The following ATF2 variants were observed in gnomAD, a reference collection of about 807,000 sequenced individuals.
ATF2 encodes the protein cyclic AMP-dependent transcription factor ATF-2.
A neutral mutation model predicts 60.6 loss-of-function variants in ATF2; 24 were observed. That is an observed-to-expected ratio of 0.40 (90% CI 0.29 to 0.56). ATF2 has a LOEUF of 0.56. Among genes scored for constraint, ATF2 ranks in the 20% least tolerant of loss-of-function variants. ATF2 has a pLI of 0.54. For missense variants in ATF2, 433 were observed against 607.7 expected, an observed-to-expected ratio of 0.71 and a Z score of 3.02; for synonymous variants, 206 against 215.4, an observed-to-expected ratio of 0.96 and a Z score of 0.38.
At chr2:175,135,564 T>C (rs1462605927) in intron 3 of ATF2, among the ~76,000 whole-genome samples, 1 of 152,186 alleles carries the variant, frequency 6.6e-6, no homozygotes, top group Non-Finnish European at 1.5e-5. Flanking sequence ...CACTGTAAGT[T>C]AGAACAAATG....
At chr2:175,076,850 GGTTA>G (rs943803982) in intron 13 of ATF2, among the ~76,000 whole-genome samples, 91 of 151,792 alleles carry the variant, frequency 6.0e-4, no homozygotes, top group Admixed American at 1.2e-3. Flanking sequence ...ACAACGTGCA[GGTTA>G]GTTACATACG....
intron 11 of ATF2, among the ~76,000 whole-genome samples, chr2:175,094,403 GAAAAAAAAA>G (rs61440218): frequency 4.9e-5 from 3 of 61,138 alleles, no homozygotes; most frequent in South Asian, 7.7e-4. Flanking sequence ...CAAAAAATAC[GAAAAAAAAA>G]AAAAAAAAAA....
chr2:175,140,480 G>A lies in ATF2; in HGVS notation c.-43-3994C>T, dbSNP rs370858032. ...CAGATCACTGGTTGCTGAGGGACAGGAGTAGAAGGAGTGGGAGGGAAGGAT... is the reference window on the plus strand; with the variant it reads ...CAGATCACTGGTTGCTGAGGGACAGAAGTAGAAGGAGTGGGAGGGAAGGAT... On this transcript the variant is annotated intron_variant, in intron 2 of 13. Coordinates refer to ENST00000264110, the MANE Select transcript of ATF2 (RefSeq NM_001880.4). Among the ~76,000 whole-genome samples the A allele has an allele frequency of 3.4e-4, 52 of 152,280 alleles. 1 individual carries two copies. The highest frequency in any genetic ancestry group is 1.1e-3 in the African/African-American group (47 of 41,550).
At chr2:175,154,226 A>G (rs1699511921) in intron 1 of ATF2, among the ~76,000 whole-genome samples, 1 of 102,950 alleles carries the variant, frequency 9.7e-6, no homozygotes, top group South Asian at 2.7e-4. Flanking sequence ...AAAAGAAAAG[A>G]AAAAAAAAAT....
intron 10 of ATF2, among the ~76,000 whole-genome samples, chr2:175,109,057 A>G (rs569678023): frequency 2.0e-5 from 3 of 151,702 alleles, no homozygotes; most frequent in Admixed American, 6.6e-5. Context: ...GGTCCTCTGC[A>G]TAGGAAAACC....
intron 13 of ATF2, among the ~76,000 whole-genome samples, chr2:175,075,696 G>A (rs377002788): frequency 3.3e-5 from 5 of 152,020 alleles, no homozygotes; most frequent in African/African-American, 1.2e-4. Flanking sequence ...GAACCGAGCC[G>A]CCAACTTAAG....
Position 175,074,839 on chromosome 2 carries a change from G to C in ATF2, c.1292-4C>G, listed in dbSNP as rs755847095. 2.1e-5 allele frequency: 34 copies of C among 1,612,980 alleles called. No individual in the cohort carries two copies. In the South Asian group the frequency reaches 2.6e-4, roughly 13 times the overall value. On this transcript the variant is annotated splice_polypyrimidine_tract_variant and splice_region_variant and intron_variant, in intron 13 of 13. Transcript: ENST00000264110. ...GAACTATCATCTTTATCAGCAGCTG[G>C]GTGGAAAAAAGAAAAATTATTCATT...
chr2:175,079,442 C>G (rs1218698858), intron 13 of ATF2, among the ~76,000 whole-genome samples: 8 of 151,970 alleles, frequency 5.3e-5, no homozygotes, highest in Non-Finnish European at 1.0e-4. Context: ...GGCCTCATCC[C>G]TGAAGCAATC....
chr2:175,151,798 G>A (rs1699333005), intron 1 of ATF2, among the ~76,000 whole-genome samples: 1 of 152,074 alleles, frequency 6.6e-6, no homozygotes, highest in Non-Finnish European at 1.5e-5. Context: ...GGAACCAAGG[G>A]TCCTTATATT....
At chr2:175,159,314 G>A (rs543982274) in intron 1 of ATF2, among the ~76,000 whole-genome samples, 40 of 148,934 alleles carry the variant, frequency 2.7e-4, no homozygotes, top group African/African-American at 6.2e-4. Context: ...GCAAGACTCC[G>A]TCTCAAAAAA....
intron 11 of ATF2, among the ~76,000 whole-genome samples, chr2:175,094,402 C>T (rs200609582): frequency 8.7e-4 from 8 of 9,216 alleles, no homozygotes; most frequent in South Asian, 2.4e-3. Flanking sequence ...TCAAAAAATA[C>T]GAAAAAAAAA....
intron 10 of ATF2, among the ~76,000 whole-genome samples, chr2:175,102,968 G>A (rs1328091785): frequency 1.3e-5 from 2 of 152,142 alleles, no homozygotes; most frequent in Non-Finnish European, 2.9e-5. Flanking sequence ...CTTTTTCTTA[G>A]AGAGATATAG....
intron 10 of ATF2, among the ~76,000 whole-genome samples, chr2:175,107,215 T>C (rs1028222192): frequency 6.6e-6 from 1 of 151,960 alleles, no homozygotes; most frequent in African/African-American, 2.4e-5. Flanking sequence ...GAAATGGAAA[T>C]TAAAATTATG....
intron 1 of ATF2, among the ~76,000 whole-genome samples, chr2:175,151,623 G>C (rs1699319394): frequency 6.6e-6 from 1 of 152,132 alleles, no homozygotes; most frequent in Admixed American, 6.6e-5. Flanking sequence ...GAAAAAGCTT[G>C]ACTTTTAAAT....
At chr2:175,099,217 C>T (rs1695149193) in intron 10 of ATF2, among the ~76,000 whole-genome samples, 1 of 151,354 alleles carries the variant, frequency 6.6e-6, no homozygotes, top group Non-Finnish European at 1.5e-5. Flanking sequence ...AATTCTCCTG[C>T]CTTAGCCTCC....
At chr2:175,114,194 A>G in intron 8 of ATF2, 86 bp from the exon 9 acceptor site, 3 of 1,450,424 alleles carry the variant, frequency 2.1e-6, no homozygotes, top group Non-Finnish European at 2.7e-6. Context: ...TTACTCCTAT[A>G]ATCATATCAT....
In ATF2 at chr2:175,074,291, C is replaced by A; in HGVS notation, c.*318G>T. ...TGGGAAGAAAGATTCAGTAACACCCCCATTTATTAAAACACCAGCAAATTA... is the reference window on the plus strand; with the variant it reads ...TGGGAAGAAAGATTCAGTAACACCCACATTTATTAAAACACCAGCAAATTA... On this transcript the variant is annotated 3_prime_UTR_variant, in exon 14 of 14. Transcript: ENST00000264110. 1 of 191,948 alleles carries A rather than the reference C, an allele frequency of 5.2e-6. No homozygotes were observed. Among genetic ancestry groups the A allele is most frequent in the Non-Finnish European group, 1.1e-5 (1 of 92,804 alleles). The allele number at this position is 191,948 out of a possible 1,614,324, so 11.9% of individuals were successfully genotyped here.
At chr2:175,077,020 TCCTA>T (rs1259363697) in intron 13 of ATF2, among the ~76,000 whole-genome samples, 3 of 148,218 alleles carry the variant, frequency 2.0e-5, no homozygotes, top group East Asian at 4.1e-4. Flanking sequence ...ATTGTTCAAT[TCCTA>T]CCTATGAGTG....
At chr2:175,113,453 C>T (rs1696341149) in intron 9 of ATF2, among the ~76,000 whole-genome samples, 1 of 152,036 alleles carries the variant, frequency 6.6e-6, no homozygotes, top group African/African-American at 2.4e-5. Flanking sequence ...AGATAGTTAA[C>T]TATTTTGTCT....
Sources: allele counts gnomAD v4.1 joint callset (sites outside exome capture counted in the v4.1 genomes callset), GRCh38; gene constraint gnomAD v4.1.1; transcripts MANE v1.5; gene names NCBI Gene and HGNC (gene_info 2026-07-23, HGNC 2026-07-21).